The following FLCN variants were observed in gnomAD, a reference collection of about 807,000 sequenced individuals.
FLCN encodes the protein folliculin.
Under a neutral mutation model 62.5 loss-of-function variants are expected in FLCN, and 22 were observed. The ratio of observed to expected loss-of-function variants is 0.35; its 90% CI spans 0.25 to 0.50. The LOEUF is 0.50. Ranked by LOEUF, FLCN falls within the 20% of genes least tolerant of loss-of-function variation. The pLI is 0.97. For synonymous variants in FLCN, 319 were observed against 310.0 expected (o/e 1.03, Z -0.30); for missense variants, 657 against 778.0 (o/e 0.84, Z 1.85).
At position 17,221,553 on chromosome 17, in the gene FLCN, C is replaced by CTGGA. The variant is rs771374314; in HGVS notation, c.851_854dup (p.Gln285HisfsTer8). 1 of 1,613,220 alleles carries CTGGA rather than the reference C, an allele frequency of 6.2e-7. No individual in the cohort carries two copies. Among genetic ancestry groups the CTGGA allele is most frequent in the East Asian group, 2.2e-5 (1 of 44,892 alleles). On this transcript the variant is annotated frameshift_variant, in exon 8 of 14. Coordinates refer to ENST00000285071, the MANE Select transcript of FLCN (RefSeq NM_144997.7). LOFTEE classifies it high-confidence loss of function. ...CTGCCTCACCAGCGAGCTTCTCCATCTGGACCAAGGTATCCTCGGTCGGAG... is the reference window on the plus strand; with the variant it reads ...CTGCCTCACCAGCGAGCTTCTCCATCTGGATGGACCAAGGTATCCTCGGTCGGAG...
chr17:17,221,572 G>T lies in FLCN; in HGVS notation c.836C>A (p.Thr279Asn). 1 of 1,612,072 alleles carries T rather than the reference G, an allele frequency of 6.2e-7. No homozygotes were observed. The change falls in exon 8 of 14, where the codon ACC becomes AAC. Residue 279 changes from threonine (T) to asparagine (N), a missense_variant. Transcript: ENST00000285071. ...CTCCATCTGGACCAAGGTATCCTCGGTCGGAGCACCTTCCAGGAGCTTCTC... is the reference window on the plus strand; with the variant it reads ...CTCCATCTGGACCAAGGTATCCTCGTTCGGAGCACCTTCCAGGAGCTTCTC... ...LTEKLLEGAP[T>N]EDTLVQMEKL...
chr17:17,228,678 C>T (rs555731464), intron 3 of FLCN: 142 of 176,428 alleles, frequency 8.0e-4, no homozygotes, highest in Middle Eastern at 2.8e-3. Flanking sequence ...GAGAGGCCCA[C>T]GCAGGGAATG....
At chr17:17,227,314 G>GGAAACTCCACTGGGAGCAC (rs1442422514) in intron 4 of FLCN, among the ~76,000 whole-genome samples, 4 of 151,992 alleles carry the variant, frequency 2.6e-5, no homozygotes, top group Non-Finnish European at 4.4e-5. Context: ...CCTGGGAGCA[G>GGAAACTCCACTGGGAGCAC]GAAACTCCAC....
At chr17:17,221,247 C>T (rs1002283121) in intron 8 of FLCN, 31 of 1,538,570 alleles carry the variant, frequency 2.0e-5, no homozygotes, top group Middle Eastern at 1.7e-4. Flanking sequence ...AAAATCGGGA[C>T]GAGAAGCCTT....
At chr17:17,215,113 A>G in intron 12 of FLCN, 23 bp from the exon 13 acceptor site, 7 of 1,614,076 alleles carry the variant, frequency 4.3e-6, no homozygotes, top group Non-Finnish European at 5.1e-6. Context: ...GCAGGGGCAG[A>G]GCAAGGGCAG....
At chr17:17,217,604 AC>A (rs1397783722) in intron 9 of FLCN, 1 of 324,424 alleles carries the variant, frequency 3.1e-6, no homozygotes, top group Non-Finnish European at 6.0e-6. Flanking sequence ...GAGTGCCTGG[AC>A]GGACGCATCT....
intron 8 of FLCN, 174 bp downstream of exon 8, chr17:17,221,363 A>G: frequency 6.2e-7 from 1 of 1,600,080 alleles, no homozygotes; most frequent in Non-Finnish European, 8.5e-7. Context: ...ACAGGAAATC[A>G]CAACAATCAC....
chr17:17,228,241 G>C, intron 3 of FLCN, 80 bp from the exon 4 acceptor site: 2 of 1,491,976 alleles, frequency 1.3e-6, no homozygotes, highest in Non-Finnish European at 1.8e-6. Context: ...GGAGCACAGG[G>C]AGCACCTGGG....
intron 8 of FLCN, chr17:17,220,623 G>A (rs1386495974): frequency 6.5e-6 from 1 of 153,878 alleles, no homozygotes; most frequent in East Asian, 1.9e-4. Context: ...CAGCACACCT[G>A]CGTTTCCAGC....
intron 6 of FLCN, among the ~76,000 whole-genome samples, chr17:17,223,713 G>A (rs934770239): frequency 1.3e-5 from 2 of 152,250 alleles, no homozygotes; most frequent in Admixed American, 6.5e-5. Context: ...AGGACAACGG[G>A]CACAAGAGAG....
At chr17:17,221,680 C>T (rs1164670349) in intron 7 of FLCN, 52 bp from the exon 8 acceptor site, 4 of 1,571,784 alleles carry the variant, frequency 2.5e-6, no homozygotes, top group Non-Finnish European at 3.4e-6. Context: ...AAAAAGCAAA[C>T]CTGACGCTCA....
Position 17,213,463 on chromosome 17 carries a change from G to A in FLCN, c.*192C>T, listed in dbSNP as rs957192560. 5 of 696,758 alleles carry A rather than the reference G, an allele frequency of 7.2e-6. No individual in the cohort carries two copies. The highest frequency in any genetic ancestry group is 6.9e-5 in the Admixed American group (3 of 43,614). The allele number at this position is 696,758 out of a possible 1,614,324, so 43.2% of individuals were successfully genotyped here. Reference sequence around the variant, plus strand: ...CATTGCCATCTTCAGCGATTCCAACGGCTGGAGGGAGAGTCTGGGAAGCAC... The same window carrying A: ...CATTGCCATCTTCAGCGATTCCAACAGCTGGAGGGAGAGTCTGGGAAGCAC... On this transcript the variant is annotated 3_prime_UTR_variant, in exon 14 of 14. Transcript: ENST00000285071.
At chr17:17,223,840 T>C in intron 6 of FLCN, 82 bp downstream of exon 6, 1 of 1,415,982 alleles carries the variant, frequency 7.1e-7, no homozygotes. Context: ...CGCCACGCGG[T>C]CTCCAGGCCT....
At chr17:17,214,839 G>T in intron 13 of FLCN, 146 bp downstream of exon 13, 1 of 826,382 alleles carries the variant, frequency 1.2e-6, no homozygotes, top group Non-Finnish European at 2.0e-6. Context: ...GAGCTTTGCA[G>T]TGGCGGACGT....
In FLCN at chr17:17,218,996, T is replaced by C. The variant is rs776828334; in HGVS notation, c.1062+23A>G. The C allele has an allele frequency of 1.4e-5, 23 of 1,611,704 alleles. No individual in the cohort carries two copies. In the South Asian group the frequency reaches 2.4e-4, roughly 17 times the overall value. On this transcript the variant is annotated intron_variant, in intron 9 of 13. Transcript: ENST00000285071. The stretch of plus-strand genomic sequence containing the variant: ...ACTGGCTCTCCTCCTGAGCTCCTGA[T>C]GCGCTGTGCCCCTGCCGCCTACCTG...
intron 3 of FLCN, 167 bp from the exon 4 acceptor site, chr17:17,228,328 G>A (rs998029718): frequency 4.2e-6 from 3 of 715,378 alleles, no homozygotes; most frequent in African/African-American, 3.6e-5. Context: ...GCCCCAGTGC[G>A]AGAGGAACAG....
In FLCN at chr17:17,212,272, T is replaced by C. The variant is rs1205740682; in HGVS notation, c.*1383A>G. 1.2e-5 allele frequency: 2 copies of C among 172,334 alleles called. No individual in the cohort carries two copies. Among genetic ancestry groups the C allele is most frequent in the South Asian group, 4.0e-4 (2 of 4,990 alleles). 10.7% of individuals were successfully genotyped at this position (172,334 alleles called of 1,614,324 possible). A position where few individuals can be genotyped will look rare whatever the true frequency, so the allele number is the denominator to read the frequency against. On this transcript the variant is annotated 3_prime_UTR_variant, in exon 14 of 14. Transcript: ENST00000285071. Reference sequence around the variant, plus strand: ...GTTGCATTATACAGATACCTAGTTATATAAACTTGGTCTTCATGTTAAATA... The same window carrying C: ...GTTGCATTATACAGATACCTAGTTACATAAACTTGGTCTTCATGTTAAATA...
At chr17:17,214,848 G>C in intron 13 of FLCN, 137 bp downstream of exon 13, 2 of 883,842 alleles carry the variant, frequency 2.3e-6, no homozygotes, top group Non-Finnish European at 3.7e-6. Context: ...AGTGGCGGAC[G>C]TGGAGTTGGA....
chr17:17,226,431 A>C (rs1036087596), intron 4 of FLCN, 109 bp from the exon 5 acceptor site: 1 of 1,327,958 alleles, frequency 7.5e-7, no homozygotes, highest in African/African-American at 1.4e-5. Context: ...TTTGTAAAAA[A>C]ATAATTGGCT....
Sources: gnomAD v4.1 joint callset for allele counts (sites outside exome capture counted in the v4.1 genomes callset) on GRCh38, gnomAD v4.1.1 for gene constraint, MANE v1.5 for transcripts, NCBI Gene and HGNC (gene_info 2026-07-23, HGNC 2026-07-21) for gene names.